ESYT3: variants seen among roughly 807,000 people sequenced by gnomAD.
The protein encoded by ESYT3 is extended synaptotagmin-3.
Under a neutral mutation model 111.5 loss-of-function variants are expected in ESYT3, and 101 were observed. The ratio of observed to expected loss-of-function variants is 0.91; its 90% CI spans 0.77 to 1.07. ESYT3 has a LOEUF of 1.07. ESYT3 is among the 50% of genes least tolerant of loss of function. The pLI, the probability that ESYT3 is intolerant of heterozygous loss-of-function variation, is 0.00. For synonymous variants in ESYT3, 416 were observed against 446.8 expected, an observed-to-expected ratio of 0.93 and a Z score of 0.87; for missense variants, 1,097 against 1,109.4, an observed-to-expected ratio of 0.99 and a Z score of 0.16.
intron 1 of ESYT3, among the ~76,000 whole-genome samples, chr3:138,447,513 TTTGAA>T (rs1375448196): frequency 6.6e-6 from 1 of 152,196 alleles, no homozygotes; most frequent in Non-Finnish European, 1.5e-5. Context: ...ATTTTATACC[TTTGAA>T]TTGATTTATT....
At chr3:138,467,460 C>T (rs1048253331) in intron 10 of ESYT3, 101 bp from the exon 11 acceptor site, 21 of 1,176,004 alleles carry the variant, frequency 1.8e-5, no homozygotes, top group South Asian at 4.9e-5. Context: ...TCTTAATGGC[C>T]GCACTCAGAT....
Position 138,474,234 on chromosome 3 carries a change from T to C in ESYT3, c.2350T>C (p.Cys784Arg), listed in dbSNP as rs752530750. 3.2e-6 allele frequency: 5 copies of C among 1,567,704 alleles called. No homozygotes were observed. The highest frequency in any genetic ancestry group is 3.5e-6 in the Non-Finnish European group (4 of 1,152,886). Residue 784 changes from cysteine (C) to arginine (R), a missense_variant, in exon 20 of 23, where the codon TGT becomes CGT. Cys to Arg is a radical substitution (Grantham distance 180). Transcript: ENST00000389567. ...LINGCRNLTP[C>R]TSSGADPYVR... Reference sequence around the variant, plus strand: ...ACACCAAATCAGAAACCTAACACCATGTACCAGCAGTGGAGCTGATCCCTA... The same window carrying C: ...ACACCAAATCAGAAACCTAACACCACGTACCAGCAGTGGAGCTGATCCCTA...
intron 17 of ESYT3, among the ~76,000 whole-genome samples, chr3:138,471,695 C>T (rs906367857): frequency 5.3e-5 from 8 of 152,150 alleles, no homozygotes; most frequent in Non-Finnish European, 8.8e-5. Flanking sequence ...TGACCTGGAT[C>T]GAGGTTGTTC....
At position 138,470,986 on chromosome 3, in the gene ESYT3, C is replaced by T. The variant is rs372680389; in HGVS notation, c.1700C>T (p.Ser567Leu). 1.9e-6 allele frequency: 3 copies of T among 1,614,038 alleles called. No individual in the cohort carries two copies. The highest frequency in any genetic ancestry group is 2.5e-6 in the Non-Finnish European group (3 of 1,180,044). Residue 567 changes from serine (S) to leucine (L), a missense_variant, in exon 17 of 23, where the codon TCA becomes TTA. By Grantham distance (145) the Ser-to-Leu change is moderately radical. Coordinates refer to ENST00000389567, the MANE Select transcript of ESYT3 (RefSeq NM_031913.5). ...GAGCAGCGCTTTCAGCTGGACCACTCAGGCCTGGACAGCCTCATCTCCATG... is the reference window on the plus strand; with the variant it reads ...GAGCAGCGCTTTCAGCTGGACCACTTAGGCCTGGACAGCCTCATCTCCATG... ...TLEQRFQLDHSGLDSLISMRL... is the reference protein window; with the variant it reads ...TLEQRFQLDHLGLDSLISMRL...
chr3:138,459,358 C>T (rs2032487762), intron 5 of ESYT3, 105 bp downstream of exon 5: 1 of 844,164 alleles, frequency 1.2e-6, no homozygotes, highest in Non-Finnish European at 1.8e-6. Context: ...GTGGTGGCAA[C>T]ACTAAACACA....
At chr3:138,457,497 C>A in intron 3 of ESYT3, 71 bp from the exon 4 acceptor site, 1 of 1,380,812 alleles carries the variant, frequency 7.2e-7, no homozygotes, top group Non-Finnish European at 1.0e-6. Flanking sequence ...AGCCCAGTGC[C>A]GGGGGGAGAG....
chr3:138,469,850 C>A (rs140529412), intron 15 of ESYT3, among the ~76,000 whole-genome samples: 148 of 152,212 alleles, frequency 9.7e-4, no homozygotes, highest in African/African-American at 3.5e-3. Flanking sequence ...TTTCAGCTCC[C>A]CCGTAAAAAT....
At chr3:138,452,153 T>C in intron 2 of ESYT3, 64 bp downstream of exon 2, 2 of 1,537,466 alleles carry the variant, frequency 1.3e-6, no homozygotes, top group Non-Finnish European at 1.8e-6. Flanking sequence ...CCCGCGGCTG[T>C]CACCCCCACA....
intron 15 of ESYT3, 56 bp downstream of exon 15, chr3:138,469,560 C>A: frequency 6.7e-7 from 1 of 1,495,130 alleles, no homozygotes. Context: ...CAGCCCTTCT[C>A]AGGGAGAGAG....
intron 8 of ESYT3, 53 bp downstream of exon 8, chr3:138,462,259 T>C (rs1399096290): frequency 6.2e-7 from 1 of 1,612,200 alleles, no homozygotes; most frequent in South Asian, 1.1e-5. Flanking sequence ...AGCGCAAATA[T>C]CCTCTCAGCC....
At position 138,477,344 on chromosome 3, in the gene ESYT3, A is replaced by G. The variant is rs1287916799; in HGVS notation, c.*490A>G. On this transcript the variant is annotated 3_prime_UTR_variant, in exon 23 of 23. Coordinates refer to ENST00000389567, the MANE Select transcript of ESYT3 (RefSeq NM_031913.5). ...TTTTATGGAAATAGAAAGTGACCCA[A>G]CTCAAAACTGCCAAGAGCTAACACT... 1 of 152,860 alleles carries G rather than the reference A, an allele frequency of 6.5e-6. No individual in the cohort carries two copies. The highest frequency in any genetic ancestry group is 1.5e-5 in the Non-Finnish European group (1 of 68,464). The allele number at this position is 152,860 out of a possible 1,614,324, so 9.5% of individuals were successfully genotyped here.
chr3:138,461,969 C>A, intron 7 of ESYT3, 117 bp from the exon 8 acceptor site: 1 of 1,484,214 alleles, frequency 6.7e-7, no homozygotes, highest in Non-Finnish European at 9.3e-7. Context: ...CAGGGCTGTT[C>A]TCTAGGTGGG....
intron 1 of ESYT3, among the ~76,000 whole-genome samples, chr3:138,451,348 C>G (rs2108603553): frequency 6.6e-6 from 1 of 152,300 alleles, no homozygotes. Flanking sequence ...AGGGGCGCCC[C>G]ACAGCACCCC....
At chr3:138,480,410 T>G (rs2033667821), downstream of ESYT3, 1 of 27,398 alleles carries the variant, frequency 3.6e-5, no homozygotes, top group Non-Finnish European at 7.0e-5. Flanking sequence ...GCCTGAGTAA[T>G]AATAGGGCAA....
At chr3:138,472,014 C>T (rs185363174) in intron 17 of ESYT3, among the ~76,000 whole-genome samples, 1 of 152,316 alleles carries the variant, frequency 6.6e-6, no homozygotes, top group East Asian at 1.9e-4. Context: ...TGGGTCTTCC[C>T]TTCAGCTCCT....
chr3:138,451,192 C>T (rs1331191581), intron 1 of ESYT3, among the ~76,000 whole-genome samples: 1 of 152,202 alleles, frequency 6.6e-6, no homozygotes, highest in Non-Finnish European at 1.5e-5. Flanking sequence ...TCCCCCTTCC[C>T]ACACTGGGGT....
rs1401078674 is a variant in ESYT3 at position 138,472,529 on chromosome 3, A to C, written c.1907A>C (p.Asp636Ala). 6.2e-7 allele frequency: 1 copy of C among 1,614,074 alleles called. No individual in the cohort carries two copies. The highest frequency in any genetic ancestry group is 1.3e-5 in the African/African-American group (1 of 74,920). Residue 636 changes from aspartate to alanine, a missense_variant, in exon 18 of 23, where the codon GAT (aspartate) becomes GCT (alanine). Transcript: ENST00000389567. The part of the protein sequence containing the change: ...DLPCPPDPAS[D>A]TKDVSRSTTT... Reference sequence around the variant, plus strand: ...CCATGTCCCCCAGACCCTGCTTCTGATACTAAGGACGTATCCAGGAGTACC... The same window carrying C: ...CCATGTCCCCCAGACCCTGCTTCTGCTACTAAGGACGTATCCAGGAGTACC...
In ESYT3 at chr3:138,467,580, G is replaced by C; in HGVS notation, c.1189G>C (p.Asp397His). ...FLGSLQICLG[D>H]VMTNRVVDEW... ...TTCCAGCCTGCAGATCTGCCTTGGA[G>C]ATGTCATGACCAACAGAGTGGTGGA... is the stretch of plus-strand genomic sequence containing the variant. Residue 397 changes from aspartate (D) to histidine (H), a missense_variant, in exon 11 of 23, where the codon GAT becomes CAT. Physicochemically the swap from Asp to His is moderately conservative, Grantham distance 81. Coordinates refer to ENST00000389567, the MANE Select transcript of ESYT3 (RefSeq NM_031913.5). 1 of 1,614,182 alleles carries C rather than the reference G, an allele frequency of 6.2e-7. No individual in the cohort carries two copies. Among genetic ancestry groups the C allele is most frequent in the Non-Finnish European group, 8.5e-7 (1 of 1,180,032 alleles).
chr3:138,447,798 CAAT>C (rs1280474480), intron 1 of ESYT3, among the ~76,000 whole-genome samples: 2 of 151,484 alleles, frequency 1.3e-5, no homozygotes, highest in East Asian at 3.9e-4. Context: ...TAAAGGGTGT[CAAT>C]GATGTAATAT....
Sources: allele counts gnomAD v4.1 joint callset (sites outside exome capture counted in the v4.1 genomes callset), GRCh38; gene constraint gnomAD v4.1.1; transcripts MANE v1.5; gene names NCBI Gene and HGNC (gene_info 2026-07-23, HGNC 2026-07-21).